DDC: variants seen among roughly 807,000 people sequenced by gnomAD.
The protein encoded by DDC is aromatic-L-amino-acid decarboxylase.
DDC carries 43 observed loss-of-function variants against 60.0 expected under a neutral mutation model. The ratio of observed to expected loss-of-function variants is 0.72; its 90% CI spans 0.56 to 0.92. The LOEUF is 0.92. Ranked by LOEUF, DDC falls within the 40% of genes least tolerant of loss-of-function variation. The probability of loss-of-function intolerance (pLI) is 0.00; values close to 1 mark genes in which losing one functional copy is unlikely to be tolerated. For synonymous variants in DDC, 232 were observed against 234.6 expected (o/e 0.99, Z 0.10); for missense variants, 573 against 620.2 (o/e 0.92, Z 0.81).
At chr7:50,488,904 C>T (rs2042941500) in intron 9 of DDC, among the ~76,000 whole-genome samples, 1 of 152,192 alleles carries the variant, frequency 6.6e-6, no homozygotes, top group Non-Finnish European at 1.5e-5. Context: ...TTTTTATCAG[C>T]TCCTTTAACT....
intron 9 of DDC, chr7:50,492,891 G>C (rs942798798): frequency 7.5e-6 from 12 of 1,591,768 alleles, no homozygotes; most frequent in Non-Finnish European, 9.3e-6. Flanking sequence ...CGGCAGCCTC[G>C]GGGCATCAGC....
chr7:50,489,000 T>C (rs1488547891), intron 9 of DDC, among the ~76,000 whole-genome samples: 1 of 148,734 alleles, frequency 6.7e-6, no homozygotes, highest in Non-Finnish European at 1.5e-5. Context: ...GTTTTCTTTG[T>C]TTGCTTGTTT....
chr7:50,471,562 C>T (rs145220507), intron 11 of DDC, among the ~76,000 whole-genome samples: 2 of 152,238 alleles, frequency 1.3e-5, no homozygotes, highest in African/African-American at 4.8e-5. Context: ...CAGTTGCACA[C>T]CAGGCCCTGC....
intron 9 of DDC, among the ~76,000 whole-genome samples, chr7:50,491,869 C>T (rs1045637631): frequency 6.6e-5 from 10 of 152,172 alleles, no homozygotes; most frequent in African/African-American, 2.4e-4. Flanking sequence ...TCAAAATCAT[C>T]TTTGGGGAAA....
At chr7:50,460,047 G>C (rs2042228637) in intron 14 of DDC, among the ~76,000 whole-genome samples, 4 of 146,306 alleles carry the variant, frequency 2.7e-5, no homozygotes, top group East Asian at 2.1e-4. Context: ...GCCCCGTCCG[G>C]GAAGGAGGTG....
chr7:50,473,360 C>T (rs551380060), intron 11 of DDC, among the ~76,000 whole-genome samples: 2 of 152,334 alleles, frequency 1.3e-5, no homozygotes, highest in East Asian at 3.9e-4. Context: ...GGGGCTGTCC[C>T]CACATGGCCA....
intron 4 of DDC, among the ~76,000 whole-genome samples, chr7:50,534,662 C>T (rs1330968560): frequency 6.6e-6 from 1 of 151,966 alleles, no homozygotes; most frequent in Non-Finnish European, 1.5e-5. Context: ...AAAAGTAGAC[C>T]TTGTCCCGTG....
rs1053577602 is a variant in DDC at position 50,530,000 on chromosome 7, T to C, written c.436-658A>G. Among the ~76,000 whole-genome samples the C allele has an allele frequency of 5.3e-4, 81 of 152,100 alleles. 4 individuals carry two copies. Among genetic ancestry groups the C allele is most frequent in the Non-Finnish European group, 1.3e-4 (9 of 68,024 alleles). ...TTTCTGATAATATGAAATTTGCCTA[T>C]AATCCCAGCACTTTGGGAGGCAGAG... On this transcript the variant is annotated intron_variant, in intron 4 of 14. Coordinates refer to ENST00000444124, the MANE Select transcript of DDC (RefSeq NM_001082971.2).
At chr7:50,542,681 A>T (rs7809234) in intron 2 of DDC, 15,312 of 152,428 alleles carry the variant, frequency 0.1, 826 homozygotes, top group Non-Finnish European at 0.12. Context: ...CCACTGCCTG[A>T]CATTTAGCCA....
rs757642236 is a variant in DDC at position 50,540,038 on chromosome 7, A to C, written c.202-10T>G. 7 of 1,602,834 alleles carry C rather than the reference A, an allele frequency of 4.4e-6. No individual in the cohort carries two copies. Among genetic ancestry groups the C allele is most frequent in the Non-Finnish European group, 6.0e-6 (7 of 1,171,320 alleles). On this transcript the variant is annotated splice_polypyrimidine_tract_variant and intron_variant, in intron 2 of 14. Transcript: ENST00000444124. ...TGTGCCAGTGCGTCACCTGCATGGG[A>C]GGACAGAGCAGCTGCTGAGGAGTGA...
At position 50,531,324 on chromosome 7, in the gene DDC, C is replaced by T. The variant is rs190377036; in HGVS notation, c.436-1982G>A. 3.1e-3 allele frequency among the ~76,000 whole-genome samples: 476 copies of T among 152,228 alleles called. 2 individuals carry two copies. The highest frequency in any genetic ancestry group is 6.2e-3 in the Non-Finnish European group (422 of 68,012). Reference sequence around the variant, plus strand: ...CTGTCCCTGATTTCCTCCTGTCCCCCTATCTGCCCCCACACACATTTTGTT... The same window carrying T: ...CTGTCCCTGATTTCCTCCTGTCCCCTTATCTGCCCCCACACACATTTTGTT... On this transcript the variant is annotated intron_variant, in intron 4 of 14. Transcript: ENST00000444124.
At chr7:50,486,694 T>A (rs2042886372) in intron 9 of DDC, among the ~76,000 whole-genome samples, 1 of 152,182 alleles carries the variant, frequency 6.6e-6, no homozygotes. Flanking sequence ...AAGAGGTGAT[T>A]TAGTAAAATG....
rs867293324 is a variant in DDC, at chr7:50,508,676, C to A, written c.715-4617G>T. Among the ~76,000 whole-genome samples the A allele has an allele frequency of 3.4e-4, 52 of 152,300 alleles. 1 individual carries two copies. The highest frequency in any genetic ancestry group is 3.4e-3 in the Middle Eastern group (1 of 294). ...GTCTTCAATTTTAAGGGATCTACAG[C>A]CCCTTTGAGAATATAATGAAGACCA... On this transcript the variant is annotated intron_variant, in intron 6 of 14. Coordinates refer to ENST00000444124, the MANE Select transcript of DDC (RefSeq NM_001082971.2).
At chr7:50,483,737 C>T (rs1259163013) in intron 9 of DDC, among the ~76,000 whole-genome samples, 3 of 151,904 alleles carry the variant, frequency 2.0e-5, no homozygotes, top group Admixed American at 6.6e-5. Context: ...CCCGTCTCTA[C>T]TAAAAATACA....
At chr7:50,505,601 G>A (rs1447092122) in intron 6 of DDC, among the ~76,000 whole-genome samples, 2 of 152,234 alleles carry the variant, frequency 1.3e-5, no homozygotes, top group Non-Finnish European at 2.9e-5. Flanking sequence ...GAGAGACAAA[G>A]TGTTCATGCC....
At chr7:50,495,616 A>T (rs1456434862) in intron 8 of DDC, among the ~76,000 whole-genome samples, 199 bp from the exon 9 acceptor site, 2 of 152,044 alleles carry the variant, frequency 1.3e-5, no homozygotes, top group African/African-American at 4.8e-5. Context: ...TCTACTCTTG[A>T]TCTGGGTGGT....
intron 6 of DDC, among the ~76,000 whole-genome samples, chr7:50,520,051 A>G (rs529720897): frequency 2.6e-5 from 4 of 152,244 alleles, no homozygotes; most frequent in African/African-American, 2.4e-5. Flanking sequence ...AACTCTAAGG[A>G]GAAACAGATA....
intron 9 of DDC, chr7:50,492,917 C>G: frequency 6.3e-7 from 1 of 1,596,978 alleles, no homozygotes; most frequent in African/African-American, 1.3e-5. Context: ...GGCAGGCACT[C>G]CACGTCCCGA....
At chr7:50,499,407 A>G (rs2043199354) in intron 7 of DDC, among the ~76,000 whole-genome samples, 165 bp from the exon 8 acceptor site, 1 of 152,164 alleles carries the variant, frequency 6.6e-6, no homozygotes, top group East Asian at 1.9e-4. Context: ...AAGGGTCTAA[A>G]GCTGAGGGCA....
Sources: gnomAD v4.1 joint callset for allele counts (sites outside exome capture counted in the v4.1 genomes callset) on GRCh38, gnomAD v4.1.1 for gene constraint, MANE v1.5 for transcripts, NCBI Gene and HGNC (gene_info 2026-07-23, HGNC 2026-07-21) for gene names.